RCOR3: variants seen among roughly 807,000 people sequenced by gnomAD.
RCOR3 encodes the protein REST corepressor 3.
RCOR3 carries 13 observed loss-of-function variants against 64.1 expected under a neutral mutation model. The ratio of observed to expected loss-of-function variants is 0.20; its 90% CI spans 0.13 to 0.32. RCOR3 has a LOEUF of 0.32. Ranked by LOEUF, RCOR3 falls within the 10% of genes least tolerant of loss-of-function variation. The pLI, the probability that RCOR3 is intolerant of heterozygous loss-of-function variation, is 1.00. For synonymous variants in RCOR3, 215 were observed against 239.0 expected (o/e 0.90, Z 0.93); for missense variants, 489 against 701.2 (o/e 0.70, Z 3.42).
chr1:211,273,946 C>T (rs372149596), intron 3 of RCOR3, among the ~76,000 whole-genome samples: 6 of 152,028 alleles, frequency 3.9e-5, no homozygotes, highest in Non-Finnish European at 5.9e-5. Context: ...TTTCTGCATA[C>T]AAAAATACAG....
intron 2 of RCOR3, among the ~76,000 whole-genome samples, chr1:211,264,346 AT>A (rs1183844466): frequency 6.6e-6 from 1 of 152,188 alleles, no homozygotes; most frequent in African/African-American, 2.4e-5. Context: ...GACTAATTTT[AT>A]TGGAAAAGGT....
At chr1:211,262,033 C>CTATT (rs1448836304) in intron 2 of RCOR3, among the ~76,000 whole-genome samples, 2 of 65,514 alleles carry the variant, frequency 3.1e-5, no homozygotes, top group African/African-American at 6.2e-5. Context: ...GCTATAAAAA[C>CTATT]TTTTTTTTTT....
intron 10 of RCOR3, among the ~76,000 whole-genome samples, chr1:211,306,401 G>A (rs975924902): frequency 6.6e-6 from 1 of 150,822 alleles, no homozygotes; most frequent in Non-Finnish European, 1.5e-5. Context: ...TCATACTTTA[G>A]TTTTACAAAG....
At chr1:211,306,248 G>A (rs187932144) in intron 10 of RCOR3, among the ~76,000 whole-genome samples, 5 of 152,014 alleles carry the variant, frequency 3.3e-5, no homozygotes, top group Admixed American at 6.5e-5. Flanking sequence ...ATGTAGTAAC[G>A]TCCCCTGTAC....
At chr1:211,300,807 T>G (rs1313810531) in intron 9 of RCOR3, among the ~76,000 whole-genome samples, 1 of 152,228 alleles carries the variant, frequency 6.6e-6, no homozygotes, top group Non-Finnish European at 1.5e-5. Flanking sequence ...CAATGAGCAG[T>G]AGTGAGCTGA....
intron 5 of RCOR3, among the ~76,000 whole-genome samples, chr1:211,277,782 A>G (rs1697220442): frequency 6.6e-6 from 1 of 152,224 alleles, no homozygotes; most frequent in Non-Finnish European, 1.5e-5. Flanking sequence ...CAAAACCACT[A>G]ATATGTACAC....
intron 10 of RCOR3, among the ~76,000 whole-genome samples, chr1:211,307,144 TC>T (rs1438485497): frequency 6.6e-6 from 1 of 152,224 alleles, no homozygotes; most frequent in Non-Finnish European, 1.5e-5. Context: ...TTAGAAGTTA[TC>T]CTAAAATCCA....
chr1:211,261,868 G>T (rs575083012), intron 2 of RCOR3, among the ~76,000 whole-genome samples: 20 of 116,898 alleles, frequency 1.7e-4, no homozygotes, highest in African/African-American at 6.5e-4. Flanking sequence ...AGGTTGCAGT[G>T]AGCCGAGATC....
In RCOR3 at chr1:211,285,154, C is replaced by G. The variant is rs148462889; in HGVS notation, c.721-4024C>G. On this transcript the variant is annotated intron_variant, in intron 7 of 11. Transcript: ENST00000419091. ...CCTGAAAATAATAGCTATTTTGTTT[C>G]TTTTTAGTCCTTGTATCTTATTTCT... Among the ~76,000 whole-genome samples the G allele has an allele frequency of 4.3e-4, 66 of 152,104 alleles. No individual in the cohort carries two copies. The East Asian group carries it at 0.011, about 25-fold the overall frequency.
chr1:211,301,800 A>G lies in RCOR3; in HGVS notation c.1018-2283A>G, dbSNP rs1229853937. 4 of 152,178 alleles carry G rather than the reference A, an allele frequency of 2.6e-5. No individual in the cohort carries two copies. The East Asian group carries it at 7.7e-4, about 29-fold the overall frequency. 9.4% of individuals were successfully genotyped at this position (152,178 alleles called of 1,614,324 possible). On this transcript the variant is annotated intron_variant, in intron 9 of 11. Coordinates refer to ENST00000419091, the MANE Select transcript of RCOR3 (RefSeq NM_001136223.3). ...ATCTTCTGATTTGTAAGCTTTCTGA[A>G]GTTTAGATGAAAAAAAATTTTCATA...
intron 5 of RCOR3, 109 bp from the exon 6 acceptor site, chr1:211,278,008 C>T: frequency 1.1e-6 from 1 of 923,228 alleles, no homozygotes; most frequent in Non-Finnish European, 1.6e-6. Context: ...ATAAAGGTAC[C>T]CATGAAATAT....
intron 2 of RCOR3, among the ~76,000 whole-genome samples, chr1:211,264,966 A>G (rs554884670): frequency 2.0e-5 from 3 of 152,352 alleles, no homozygotes; most frequent in African/African-American, 7.2e-5. Flanking sequence ...CTAATATGGC[A>G]TAATAACCTT....
At chr1:211,266,773 A>G (rs1481749617) in intron 2 of RCOR3, among the ~76,000 whole-genome samples, 1 of 152,234 alleles carries the variant, frequency 6.6e-6, no homozygotes, top group Non-Finnish European at 1.5e-5. Context: ...TGACTTTTAC[A>G]ATGAAAAAGG....
intron 10 of RCOR3, among the ~76,000 whole-genome samples, chr1:211,307,097 A>T (rs1700918739): frequency 6.6e-6 from 1 of 152,214 alleles, no homozygotes; most frequent in Non-Finnish European, 1.5e-5. Flanking sequence ...TTTGTAGCTT[A>T]TACATATATA....
At position 211,314,023 on chromosome 1, in the gene RCOR3, AAAAC is replaced by A; in HGVS notation, c.*259_*262del. ...CAGCAATGTTGATCTCATAAAAGGA[AAAAC>A]AAAAGATTTAAGTATTCTATATACC... On this transcript the variant is annotated 3_prime_UTR_variant, in exon 12 of 12. Coordinates refer to ENST00000419091, the MANE Select transcript of RCOR3 (RefSeq NM_001136223.3). The A allele has an allele frequency of 2.3e-6, 1 of 439,078 alleles. No homozygotes were observed. Among genetic ancestry groups the A allele is most frequent in the Non-Finnish European group, 4.0e-6 (1 of 246,952 alleles). 27.2% of individuals were successfully genotyped at this position (439,078 alleles called of 1,614,324 possible).
chr1:211,312,430 G>A lies in RCOR3; in HGVS notation c.1076-290G>A. On this transcript the variant is annotated intron_variant, in intron 10 of 11. Transcript: ENST00000419091. The surrounding 1 kb of genome is among the most constrained non-coding windows in gnomAD (Gnocchi z 5.0). The stretch of plus-strand genomic sequence containing the variant: ...AGAATTCAATGCTTTACAATAAATG[G>A]ACTGTATTTGAGAGTTCAAGAGAGG... 1 of 540,160 alleles carries A rather than the reference G, an allele frequency of 1.9e-6. No individual in the cohort carries two copies. 33.5% of individuals were successfully genotyped at this position (540,160 alleles called of 1,614,324 possible).
chr1:211,266,080 A>C (rs1281151925), intron 2 of RCOR3, among the ~76,000 whole-genome samples: 3 of 152,160 alleles, frequency 2.0e-5, no homozygotes, highest in African/African-American at 7.2e-5. Flanking sequence ...GAAAGAGAAA[A>C]TAGGGAAGTT....
chr1:211,296,743 T>G (rs958655575), intron 9 of RCOR3, among the ~76,000 whole-genome samples: 2 of 152,140 alleles, frequency 1.3e-5, no homozygotes, highest in Admixed American at 1.3e-4. Flanking sequence ...ATCTCATTCC[T>G]TGACCACAGG....
Position 211,295,678 on chromosome 1 carries a change from T to G in RCOR3, c.942T>G (p.Val314=), listed in dbSNP as rs765506232. The G allele has an allele frequency of 6.2e-7, 1 of 1,613,536 alleles. No homozygotes were observed. Among genetic ancestry groups the G allele is most frequent in the Non-Finnish European group, 8.5e-7 (1 of 1,179,662 alleles). The part of the protein sequence containing the change: ...DMELISLKRQ[V]QNAKQVNSAL... The stretch of plus-strand genomic sequence containing the variant: ...CATTTGGGGTTATTTTGTTGAAGGT[T>G]CAGAATGCTAAGCAAGTAAACAGTG... The change falls in exon 9 of 12, where the codon GTT becomes GTG. Residue 314 remains valine (V), a splice_region_variant and synonymous_variant. Transcript: ENST00000419091.
Sources: allele counts gnomAD v4.1 joint callset (sites outside exome capture counted in the v4.1 genomes callset), GRCh38; gene constraint gnomAD v4.1.1; non-coding constraint Gnocchi (gnomAD v3.1); transcripts MANE v1.5; gene names NCBI Gene and HGNC (gene_info 2026-07-23, HGNC 2026-07-21).